Variants in HHIP observed in about 807,000 individuals in gnomAD.
The protein encoded by HHIP is hedgehog-interacting protein.
HHIP carries 12 observed loss-of-function variants against 74.0 expected under a neutral mutation model. That is an observed-to-expected ratio of 0.16 (90% confidence interval 0.10 to 0.26). The LOEUF (loss-of-function observed/expected upper bound fraction) is 0.26. HHIP is among the 10% of genes least tolerant of loss of function. The pLI, the probability that HHIP is intolerant of heterozygous loss-of-function variation, is 1.00. For missense variants in HHIP, 788 were observed against 845.0 expected (o/e 0.93, Z 0.84); for synonymous variants, 309 against 311.6 (o/e 0.99, Z 0.09).
intron 4 of HHIP, among the ~76,000 whole-genome samples, chr4:144,672,547 G>C (rs1729068021): frequency 6.6e-6 from 1 of 152,156 alleles, no homozygotes; most frequent in African/African-American, 2.4e-5. Flanking sequence ...TTGAGCATCT[G>C]TGTGTTGGTG....
rs1350248894 is a variant in HHIP, at chr4:144,742,891, ATATATATCTTTT to A, written c.*4942_*4953del. 0.011 allele frequency: 22 copies of A among 2,026 alleles called. No individual in the cohort carries two copies. The highest frequency in any genetic ancestry group is 0.5 in the South Asian group (1 of 2). The allele number at this position is 2,026 out of a possible 1,614,324, so 0.1% of individuals were successfully genotyped here. Reference sequence around the variant, plus strand: ...ATATATCTTTTTATATATATCTTATATATATATCTTTTTATATATATCTTATATATATATCTT... The same window carrying A: ...ATATATCTTTTTATATATATCTTATATATATATATCTTATATATATATCTT... On this transcript the variant is annotated 3_prime_UTR_variant, in exon 13 of 13. Coordinates refer to ENST00000296575, the MANE Select transcript of HHIP (RefSeq NM_022475.3).
chr4:144,734,208 A>G (rs1036650792), intron 11 of HHIP, among the ~76,000 whole-genome samples: 3 of 151,746 alleles, frequency 2.0e-5, no homozygotes, highest in Non-Finnish European at 2.9e-5. Flanking sequence ...ATCTCAAAAG[A>G]AATATAAAAT....
At chr4:144,716,772 C>A (rs1730456961) in intron 10 of HHIP, among the ~76,000 whole-genome samples, 1 of 139,522 alleles carries the variant, frequency 7.2e-6, no homozygotes, top group African/African-American at 2.6e-5. Context: ...TCACTTGAAC[C>A]CTGGAGGCGG....
chr4:144,718,218 G>A (rs989646098), intron 10 of HHIP, among the ~76,000 whole-genome samples: 10 of 152,160 alleles, frequency 6.6e-5, no homozygotes, highest in Admixed American at 6.5e-4. Flanking sequence ...GTGCAGTCAG[G>A]AAAGGTGATA....
intron 4 of HHIP, among the ~76,000 whole-genome samples, chr4:144,680,344 C>T (rs1729300295): frequency 1.3e-5 from 2 of 152,174 alleles, no homozygotes; most frequent in African/African-American, 4.8e-5. Context: ...TATTTCACCA[C>T]CTTGACCCCT....
chr4:144,683,488 A>G (rs1203473958), intron 4 of HHIP, among the ~76,000 whole-genome samples: 1 of 152,216 alleles, frequency 6.6e-6, no homozygotes, highest in Non-Finnish European at 1.5e-5. Flanking sequence ...AACTAAATTT[A>G]AGATAATAGT....
intron 11 of HHIP, among the ~76,000 whole-genome samples, chr4:144,719,684 T>C (rs1474400953): frequency 6.6e-6 from 1 of 152,152 alleles, no homozygotes; most frequent in East Asian, 1.9e-4. Flanking sequence ...TTGTCAAAAA[T>C]ACATTAGTCA....
At chr4:144,695,438 G>A (rs1167741487) in intron 4 of HHIP, among the ~76,000 whole-genome samples, 1 of 150,856 alleles carries the variant, frequency 6.6e-6, no homozygotes, top group African/African-American at 2.4e-5. Flanking sequence ...TTAGTCAATA[G>A]GGCTCTGAAG....
At chr4:144,664,220 C>T (rs1409529168) in intron 4 of HHIP, among the ~76,000 whole-genome samples, 3 of 152,112 alleles carry the variant, frequency 2.0e-5, no homozygotes, top group African/African-American at 4.8e-5. Context: ...GAGGAGAGGA[C>T]GTGAGGCTGA....
intron 2 of HHIP, among the ~76,000 whole-genome samples, chr4:144,653,307 T>C (rs1055492122): frequency 6.6e-6 from 1 of 152,122 alleles, no homozygotes; most frequent in Non-Finnish European, 1.5e-5. Context: ...TCAAAAACCC[T>C]GTAAGCTAGG....
At chr4:144,711,162 G>C (rs1471076199) in intron 7 of HHIP, among the ~76,000 whole-genome samples, 2 of 152,086 alleles carry the variant, frequency 1.3e-5, no homozygotes, top group Non-Finnish European at 2.9e-5. Context: ...ATATTTGTAG[G>C]GACCAGCTTT....
intron 4 of HHIP, among the ~76,000 whole-genome samples, chr4:144,694,777 T>C (rs1295746126): frequency 6.6e-6 from 1 of 151,826 alleles, no homozygotes; most frequent in Non-Finnish European, 1.5e-5. Context: ...TATTCCTGGG[T>C]TTAATGTTTA....
intron 4 of HHIP, among the ~76,000 whole-genome samples, chr4:144,661,713 G>C (rs1377908654): frequency 6.6e-6 from 1 of 152,146 alleles, no homozygotes; most frequent in South Asian, 2.1e-4. Context: ...TTGCCCCTCA[G>C]AGACTTGTAA....
At chr4:144,705,085 C>G (rs1037222213) in intron 4 of HHIP, among the ~76,000 whole-genome samples, 3 of 152,066 alleles carry the variant, frequency 2.0e-5, no homozygotes, top group African/African-American at 4.8e-5. Context: ...ATGACTTGGT[C>G]GTTCTGTGTA....
Position 144,740,406 on chromosome 4 carries a change from T to C in HHIP, c.*2449T>C, listed in dbSNP as rs1731234245. The stretch of plus-strand genomic sequence containing the variant: ...GCCCCAGGTGTCATTGCCTTTTCTT[T>C]TGTGAGTCATTAGAATGAAAGGCCA... On this transcript the variant is annotated 3_prime_UTR_variant, in exon 13 of 13. Coordinates refer to ENST00000296575, the MANE Select transcript of HHIP (RefSeq NM_022475.3). 6.6e-6 allele frequency: 1 copy of C among 152,170 alleles called. No individual in the cohort carries two copies. Among genetic ancestry groups the C allele is most frequent in the African/African-American group, 2.4e-5 (1 of 41,450 alleles). 9.4% of individuals were successfully genotyped at this position (152,170 alleles called of 1,614,324 possible). A position where few individuals can be genotyped will look rare whatever the true frequency, so the allele number is the denominator to read the frequency against.
rs1188021210 is a variant in HHIP at position 144,646,496 on chromosome 4, T to G, written c.-180T>G. ...CTAAGGCATTGGACCCATCGCCGCG[T>G]CTTTTATTTTTTGCAAAGTTGCATC... On this transcript the variant is annotated 5_prime_UTR_variant, in exon 1 of 13. Transcript: ENST00000296575. 7 of 593,724 alleles carry G rather than the reference T, an allele frequency of 1.2e-5. 1 individual carries two copies. The highest frequency in any genetic ancestry group is 2.1e-5 in the Non-Finnish European group (7 of 338,954). The allele number at this position is 593,724 out of a possible 1,614,324, so 36.8% of individuals were successfully genotyped here.
chr4:144,681,946 T>C (rs552384782), intron 4 of HHIP, among the ~76,000 whole-genome samples: 3 of 152,324 alleles, frequency 2.0e-5, no homozygotes, highest in African/African-American at 7.2e-5. Context: ...CACCTAGCTC[T>C]TTCATTCTAC....
chr4:144,730,770 T>G (rs1355435258), intron 11 of HHIP, among the ~76,000 whole-genome samples: 1 of 152,190 alleles, frequency 6.6e-6, no homozygotes, highest in Non-Finnish European at 1.5e-5. Flanking sequence ...TTTTTGTTTC[T>G]CTTTATTTCA....
At chr4:144,691,018 G>A (rs1054438926) in intron 4 of HHIP, among the ~76,000 whole-genome samples, 11 of 152,012 alleles carry the variant, frequency 7.2e-5, no homozygotes, top group African/African-American at 2.7e-4. Context: ...TTCTAACTTA[G>A]GCCATATTCC....
Sources: allele counts gnomAD v4.1 joint callset (sites outside exome capture counted in the v4.1 genomes callset), GRCh38; gene constraint gnomAD v4.1.1; transcripts MANE v1.5; gene names NCBI Gene and HGNC (gene_info 2026-07-23, HGNC 2026-07-21).